AK2: variants seen among roughly 807,000 people sequenced by gnomAD.
AK2 encodes the protein adenylate kinase 2.
A neutral mutation model predicts 24.6 loss-of-function variants in AK2; 15 were observed. The observed-to-expected ratio is 0.61, with a 90% CI of 0.41 to 0.94. The LOEUF (loss-of-function observed/expected upper bound fraction) is 0.94. Ranked by LOEUF, AK2 falls within the 40% of genes least tolerant of loss-of-function variation. The pLI is 0.00. For synonymous variants in AK2, 102 were observed against 114.0 expected, an observed-to-expected ratio of 0.90 and a Z score of 0.67; for missense variants, 257 against 304.1, an observed-to-expected ratio of 0.85 and a Z score of 1.15.
intron 1 of AK2, among the ~76,000 whole-genome samples, chr1:33,035,642 C>T (rs1322791166): frequency 6.6e-6 from 1 of 152,130 alleles, no homozygotes. Flanking sequence ...CTTCCAAATC[C>T]GAAATGAGAT....
At position 33,010,883 on chromosome 1, in the gene AK2, A is replaced by G. The variant is rs781525437; in HGVS notation, c.*2298T>C. 1.2e-6 allele frequency: 2 copies of G among 1,613,066 alleles called. No individual in the cohort carries two copies. Among genetic ancestry groups the G allele is most frequent in the African/African-American group, 2.7e-5 (2 of 74,920 alleles). On this transcript the variant is annotated 3_prime_UTR_variant, in exon 6 of 6. Coordinates refer to ENST00000672715, the MANE Select transcript of AK2 (RefSeq NM_001625.4). ...GAACAAAATGGGTTTTTAAAAACCA[A>G]GTACATATCAGAGGAGGCTGGCATG...
chr1:33,026,228 T>C (rs1195283527), intron 1 of AK2, among the ~76,000 whole-genome samples: 3 of 152,298 alleles, frequency 2.0e-5, no homozygotes, highest in African/African-American at 7.2e-5. Flanking sequence ...AGACAGAGTC[T>C]CACTCTATCA....
At chr1:33,015,107 C>CT (rs1557614102) in intron 4 of AK2, among the ~76,000 whole-genome samples, 1 of 152,180 alleles carries the variant, frequency 6.6e-6, no homozygotes, top group East Asian at 1.9e-4. Context: ...GAAATGAACT[C>CT]TATTTTCTAA....
intron 2 of AK2, among the ~76,000 whole-genome samples, chr1:33,023,780 T>G (rs1247437393): frequency 6.6e-6 from 1 of 152,144 alleles, no homozygotes; most frequent in East Asian, 1.9e-4. Flanking sequence ...GCTCTAAAAT[T>G]TAGGTATATA....
rs1401129411 is a variant in AK2 at position 33,012,351 on chromosome 1, A to T, written c.*830T>A. ...GCCTTTTTCCTTCCACCTAGGGGGA[A>T]AAAATTAATGATCCCTGTTCACACA... On this transcript the variant is annotated 3_prime_UTR_variant, in exon 6 of 6. Coordinates refer to ENST00000672715, the MANE Select transcript of AK2 (RefSeq NM_001625.4). 6.5e-7 allele frequency: 1 copy of T among 1,528,964 alleles called. No individual in the cohort carries two copies. Among genetic ancestry groups the T allele is most frequent in the Non-Finnish European group, 8.7e-7 (1 of 1,144,354 alleles). 94.7% of individuals were successfully genotyped at this position (1,528,964 alleles called of 1,614,324 possible). A position where few individuals can be genotyped will look rare whatever the true frequency, so the allele number is the denominator to read the frequency against.
At chr1:33,032,348 T>C (rs1472732205) in intron 1 of AK2, 2 of 152,260 alleles carry the variant, frequency 1.3e-5, no homozygotes, top group East Asian at 1.9e-4. Flanking sequence ...CCAGGTCTTC[T>C]GGTTTCTCAA....
At chr1:33,027,917 C>T (rs937661060) in intron 1 of AK2, among the ~76,000 whole-genome samples, 1 of 152,226 alleles carries the variant, frequency 6.6e-6, no homozygotes, top group Non-Finnish European at 1.5e-5. Context: ...TGATCTTGGG[C>T]TAAGTACTTA....
chr1:33,019,734 T>A lies in AK2; in HGVS notation c.425+1633A>T, dbSNP rs187369057. The A allele has an allele frequency of 4.1e-5, 43 of 1,038,200 alleles. No individual in the cohort carries two copies. The African/African-American group carries it at 7.2e-4, about 17-fold the overall frequency. The allele number at this position is 1,038,200 out of a possible 1,614,324, so 64.3% of individuals were successfully genotyped here. Reference sequence around the variant, plus strand: ...GAAATCAAAGTAATAATGTCTGAAATAAGAAAACATTTTTTCCCTAATCCA... The same window carrying A: ...GAAATCAAAGTAATAATGTCTGAAAAAAGAAAACATTTTTTCCCTAATCCA... On this transcript the variant is annotated intron_variant, in intron 4 of 5. Coordinates refer to ENST00000672715, the MANE Select transcript of AK2 (RefSeq NM_001625.4).
intron 2 of AK2, among the ~76,000 whole-genome samples, chr1:33,023,264 A>G (rs1391107118): frequency 1.3e-5 from 2 of 152,176 alleles, no homozygotes; most frequent in Non-Finnish European, 2.9e-5. Flanking sequence ...CAACTGGCCT[A>G]AAGAAGGAGA....
Position 33,014,706 on chromosome 1 carries a change from C to G in AK2, c.426-112G>C, listed in dbSNP as rs1304583297. 2.8e-5 allele frequency: 24 copies of G among 849,830 alleles called. No individual in the cohort carries two copies. In the East Asian group the frequency reaches 6.7e-4, roughly 24 times the overall value. The allele number at this position is 849,830 out of a possible 1,614,324, so 52.6% of individuals were successfully genotyped here. On this transcript the variant is annotated intron_variant, in intron 4 of 5. Coordinates refer to ENST00000672715, the MANE Select transcript of AK2 (RefSeq NM_001625.4). ...AGATAGGGACGCTGGATGCAAGGAC[C>G]CAGCACCCAGCAGAAAATCCAGCTA...
rs370935115 is a variant in AK2 at position 33,021,694 on chromosome 1, C to T, written c.229G>A (p.Glu77Lys). The change falls in exon 3 of 6, where the codon GAA becomes AAA. Residue 77 changes from glutamate (E) to lysine (K), a missense_variant. Coordinates refer to ENST00000672715, the MANE Select transcript of AK2 (RefSeq NM_001625.4). The part of the protein sequence containing the change: ...TMDAGKLVSD[E>K]MVVELIEKNL... ...TTCTCAATGAGCTCCACTACCATTT[C>T]ATCACTCACCTGGAAGTTAGGAACA... is the stretch of plus-strand genomic sequence containing the variant. 36 of 1,613,154 alleles carry T rather than the reference C, an allele frequency of 2.2e-5. No homozygotes were observed. In the African/African-American group the frequency reaches 3.6e-4, roughly 16 times the overall value.
At chr1:33,020,786 A>G (rs1639491709) in intron 4 of AK2, among the ~76,000 whole-genome samples, 1 of 151,678 alleles carries the variant, frequency 6.6e-6, no homozygotes, top group South Asian at 2.1e-4. Flanking sequence ...CAGAGGTTGC[A>G]GTGAGCCAAG....
chr1:33,027,771 GA>G (rs1275941412), intron 1 of AK2, among the ~76,000 whole-genome samples: 1 of 150,220 alleles, frequency 6.7e-6, no homozygotes, highest in Non-Finnish European at 1.5e-5. Flanking sequence ...AAAAGAAAAA[GA>G]AAAAAAGAAA....
Position 33,009,653 on chromosome 1 carries a change from C to G in AK2, c.*3528G>C, listed in dbSNP as rs1638678456. On this transcript the variant is annotated 3_prime_UTR_variant, in exon 6 of 6. Transcript: ENST00000672715. Reference sequence around the variant, plus strand: ...AAACAGGAGCACAGTGAATAACTAACTGGCTGGGATTTGTCCTAGGTCCCC... The same window carrying G: ...AAACAGGAGCACAGTGAATAACTAAGTGGCTGGGATTTGTCCTAGGTCCCC... The G allele has an allele frequency of 2.2e-6, 1 of 453,542 alleles. No individual in the cohort carries two copies. The highest frequency in any genetic ancestry group is 1.6e-5 in the South Asian group (1 of 64,474). The allele number at this position is 453,542 out of a possible 1,614,324, so 28.1% of individuals were successfully genotyped here.
rs78947685 is a variant in AK2 at position 33,030,165 on chromosome 1, T to C, written c.94-5598A>G. On this transcript the variant is annotated intron_variant, in intron 1 of 5. Coordinates refer to ENST00000672715, the MANE Select transcript of AK2 (RefSeq NM_001625.4). ...TTCCCAAATACGCGGCATAAATGCC[T>C]CTCCAAGGACCTCAACACAAGCTCC... 2.8e-3 allele frequency among the ~76,000 whole-genome samples: 420 copies of C among 152,312 alleles called. 14 individuals carry two copies. In the East Asian group the frequency reaches 0.065, roughly 23 times the overall value.
intron 1 of AK2, among the ~76,000 whole-genome samples, chr1:33,034,219 TCTC>T (rs1347778434): frequency 6.6e-6 from 1 of 152,082 alleles, no homozygotes; most frequent in East Asian, 1.9e-4. Context: ...TCTAATCACA[TCTC>T]CTCTATTTCT....
Position 33,036,777 on chromosome 1 carries a change from C to T in AK2, c.52G>A (p.Ala18Thr), listed in dbSNP as rs760718065. ...AEPEYPKGIRAVLLGPPGAGK... is the reference protein window; with the variant it reads ...AEPEYPKGIRTVLLGPPGAGK... The stretch of plus-strand genomic sequence containing the variant: ...GCCCCGGGAGGCCCCAGCAGCACGG[C>T]CCGGATGCCTTTAGGATACTCGGGT... The change falls in exon 1 of 6, where the codon GCC becomes ACC. Residue 18 changes from alanine (A) to threonine (T), a missense_variant. Transcript: ENST00000672715. 5 of 1,599,900 alleles carry T rather than the reference C, an allele frequency of 3.1e-6. No individual in the cohort carries two copies. Among genetic ancestry groups the T allele is most frequent in the Non-Finnish European group, 4.3e-6 (5 of 1,173,710 alleles).
chr1:33,027,807 C>T (rs539104801), intron 1 of AK2, among the ~76,000 whole-genome samples: 2 of 151,876 alleles, frequency 1.3e-5, no homozygotes, highest in South Asian at 4.2e-4. Context: ...TTCCTGCTGG[C>T]TGCCTGGGAG....
chr1:33,030,364 G>A (rs943537870), intron 1 of AK2, among the ~76,000 whole-genome samples: 1 of 152,094 alleles, frequency 6.6e-6, no homozygotes, highest in African/African-American at 2.4e-5. Context: ...AGACCAGTCC[G>A]GGCAACACAG....
Sources: gnomAD v4.1 joint callset for allele counts (sites outside exome capture counted in the v4.1 genomes callset) on GRCh38, gnomAD v4.1.1 for gene constraint, MANE v1.5 for transcripts, NCBI Gene and HGNC (gene_info 2026-07-23, HGNC 2026-07-21) for gene names.